Variants in CNTNAP2 observed in about 807,000 individuals in gnomAD.
The protein encoded by CNTNAP2 is contactin-associated protein-like 2.
CNTNAP2 carries 98 observed loss-of-function variants against 155.2 expected under a neutral mutation model. The observed-to-expected ratio is 0.63, with a 90% CI of 0.54 to 0.75. The LOEUF (loss-of-function observed/expected upper bound fraction) is 0.75. CNTNAP2 is among the 30% of genes least tolerant of loss of function. CNTNAP2 has a pLI of 0.00. For synonymous variants in CNTNAP2, 651 were observed against 631.2 expected (o/e 1.03, Z -0.47); for missense variants, 1,727 against 1,688.1 (o/e 1.02, Z -0.40).
chr7:147,132,882 G>A (rs1801406286), intron 8 of CNTNAP2, among the ~76,000 whole-genome samples: 1 of 151,924 alleles, frequency 6.6e-6, no homozygotes, highest in African/African-American at 2.4e-5. Flanking sequence ...ATCAACATTC[G>A]TGTACCTTTT....
intron 20 of CNTNAP2, among the ~76,000 whole-genome samples, chr7:148,237,305 T>TA (rs1421388769): frequency 2.6e-5 from 4 of 152,310 alleles, no homozygotes; most frequent in Admixed American, 6.5e-5. Flanking sequence ...AATAGGCTGA[T>TA]AAAAAAGGTG....
intron 15 of CNTNAP2, among the ~76,000 whole-genome samples, chr7:148,006,007 A>G (rs1016439868): frequency 2.6e-5 from 4 of 152,174 alleles, no homozygotes; most frequent in Non-Finnish European, 4.4e-5. Flanking sequence ...ACTGATTTCA[A>G]GTCTGTATCA....
chr7:146,173,296 T>C (rs1426635521), intron 1 of CNTNAP2, among the ~76,000 whole-genome samples: 2 of 152,192 alleles, frequency 1.3e-5, no homozygotes, highest in African/African-American at 4.8e-5. Context: ...ATACACTTTT[T>C]GAAGTTTACA....
At chr7:148,062,011 TA>T (rs1262390337) in intron 15 of CNTNAP2, among the ~76,000 whole-genome samples, 16 of 84,208 alleles carry the variant, frequency 1.9e-4, no homozygotes, top group Non-Finnish European at 3.4e-4. Context: ...AGATAGATGA[TA>T]GAGAGAGAGA....
intron 8 of CNTNAP2, among the ~76,000 whole-genome samples, chr7:147,168,401 T>A (rs1205632363): frequency 3.3e-5 from 5 of 152,110 alleles, no homozygotes; most frequent in African/African-American, 1.2e-4. Flanking sequence ...ATAGTAAATA[T>A]GGATTTTCTC....
At chr7:146,703,154 T>C (rs934398305) in intron 1 of CNTNAP2, among the ~76,000 whole-genome samples, 6 of 152,196 alleles carry the variant, frequency 3.9e-5, no homozygotes, top group African/African-American at 1.4e-4. Context: ...TGTACTCACA[T>C]TCAATCAACT....
At chr7:147,361,134 A>G (rs977913197) in intron 9 of CNTNAP2, among the ~76,000 whole-genome samples, 1 of 152,244 alleles carries the variant, frequency 6.6e-6, no homozygotes, top group East Asian at 1.9e-4. Context: ...GATTAACTAA[A>G]TAATCTGGAA....
intron 13 of CNTNAP2, among the ~76,000 whole-genome samples, chr7:147,810,373 T>G (rs1382717623): frequency 6.6e-6 from 1 of 151,826 alleles, no homozygotes; most frequent in East Asian, 1.9e-4. Context: ...TCTCCCTTAT[T>G]TTCACTTTTC....
intron 13 of CNTNAP2, among the ~76,000 whole-genome samples, chr7:147,793,440 C>G (rs918477653): frequency 6.6e-6 from 1 of 152,034 alleles, no homozygotes; most frequent in Non-Finnish European, 1.5e-5. Flanking sequence ...TTGAAAAATA[C>G]TGCTTTTTCC....
At chr7:147,190,205 C>A (rs1244010658) in intron 8 of CNTNAP2, among the ~76,000 whole-genome samples, 2 of 152,172 alleles carry the variant, frequency 1.3e-5, no homozygotes, top group African/African-American at 4.8e-5. Context: ...CATTTCACTG[C>A]ACCTCAGAAA....
intron 3 of CNTNAP2, among the ~76,000 whole-genome samples, chr7:146,975,294 G>C (rs1051942529): frequency 2.0e-5 from 3 of 151,902 alleles, no homozygotes; most frequent in African/African-American, 7.3e-5. Flanking sequence ...GCAAAACCCC[G>C]TCTCTACTAA....
chr7:147,778,021 C>T (rs1449841067), intron 13 of CNTNAP2, among the ~76,000 whole-genome samples: 1 of 152,124 alleles, frequency 6.6e-6, no homozygotes, highest in African/African-American at 2.4e-5. Context: ...TTCCAGTTTA[C>T]TCTCCTATGG....
chr7:147,279,317 C>T (rs1482503046), intron 8 of CNTNAP2, among the ~76,000 whole-genome samples: 1 of 151,704 alleles, frequency 6.6e-6, no homozygotes, highest in African/African-American at 2.4e-5. Context: ...ATTATTCATT[C>T]TTAAAGCTTT....
chr7:148,054,872 A>C (rs4726919), intron 15 of CNTNAP2, among the ~76,000 whole-genome samples: 10,740 of 149,710 alleles, frequency 0.072, 931 homozygotes, highest in African/African-American at 0.21. Context: ...TATGTAAATT[A>C]ATAGGAATCT....
intron 1 of CNTNAP2, among the ~76,000 whole-genome samples, chr7:146,462,942 G>A (rs1796659294): frequency 6.6e-6 from 1 of 152,070 alleles, no homozygotes; most frequent in Non-Finnish European, 1.5e-5. Context: ...GTCTTCTTTA[G>A]AGGGAAATAA....
Position 146,256,735 on chromosome 7 carries a change from C to T in CNTNAP2, c.97+139762C>T, listed in dbSNP as rs766282081. 7.4e-4 allele frequency among the ~76,000 whole-genome samples: 112 copies of T among 151,950 alleles called. 2 individuals carry two copies. Among genetic ancestry groups the T allele is most frequent in the Admixed American group, 7.3e-3 (111 of 15,254 alleles). On this transcript the variant is annotated intron_variant, in intron 1 of 23. Transcript: ENST00000361727. ...AGAAACTTTCTTTTACCCATAAAAT[C>T]CCATGCCTTACCACAACACGGCAAT...
chr7:146,754,812 C>T (rs1250578462), intron 1 of CNTNAP2, among the ~76,000 whole-genome samples: 2 of 151,868 alleles, frequency 1.3e-5, no homozygotes, highest in Non-Finnish European at 2.9e-5. Flanking sequence ...CTAAGAAGTG[C>T]AGTTTTCCGG....
At chr7:146,929,421 C>T (rs1198179323) in intron 3 of CNTNAP2, among the ~76,000 whole-genome samples, 1 of 152,116 alleles carries the variant, frequency 6.6e-6, no homozygotes, top group African/African-American at 2.4e-5. Flanking sequence ...AGGACATCCA[C>T]ACCAAAAACC....
intron 1 of CNTNAP2, among the ~76,000 whole-genome samples, chr7:146,392,397 T>C (rs1388924022): frequency 1.3e-5 from 2 of 152,144 alleles, no homozygotes; most frequent in African/African-American, 2.4e-5. Flanking sequence ...GGAATGTGCA[T>C]TATAATGATG....
Sources: allele counts gnomAD v4.1 joint callset (sites outside exome capture counted in the v4.1 genomes callset), GRCh38; gene constraint gnomAD v4.1.1; transcripts MANE v1.5; gene names NCBI Gene and HGNC (gene_info 2026-07-23, HGNC 2026-07-21).